The following ZNF404 variants were observed in gnomAD, a reference collection of about 807,000 sequenced individuals.
The protein encoded by ZNF404 is zinc finger protein 404.
A neutral mutation model predicts 7.3 loss-of-function variants in ZNF404; 7 were observed. The observed-to-expected ratio is 0.95, with a 90% CI of 0.54 to 1.79. The LOEUF (loss-of-function observed/expected upper bound fraction) is 1.79. Among genes scored for constraint, ZNF404 ranks in the 40% most tolerant of loss-of-function variants. The pLI, the probability that ZNF404 is intolerant of heterozygous loss-of-function variation, is 0.00. For synonymous variants in ZNF404, 191 were observed against 209.9 expected, an observed-to-expected ratio of 0.91 and a Z score of 0.78; for missense variants, 560 against 661.5, an observed-to-expected ratio of 0.85 and a Z score of 1.68.
chr19:43,873,857 A>T lies in ZNF404; in HGVS notation c.357T>A (p.Pro119=), dbSNP rs74424854. 1 of 1,608,822 alleles carries T rather than the reference A, an allele frequency of 6.2e-7. No individual in the cohort carries two copies. The highest frequency in any genetic ancestry group is 1.4e-5 in the African/African-American group (1 of 71,590). ...CTCTTGTGTTATTTCTCTTATGTAG[A>T]GGAAGGGATTTATGTTTTTTGAATA... ...QMIFKKHKSL[P]LHKRNNTREK... is the part of the protein sequence containing the mutation. Residue 119 remains proline, a synonymous_variant, in exon 3 of 3, where the codon CCT becomes CCA. Transcript: ENST00000587539.
At chr19:43,882,878 A>G (rs1971908227) in intron 1 of ZNF404, among the ~76,000 whole-genome samples, 1 of 152,074 alleles carries the variant, frequency 6.6e-6, no homozygotes, top group Non-Finnish European at 1.5e-5. Context: ...AGGTGGGCAG[A>G]TCACTTGAAG....
At chr19:43,883,024 C>T (rs1346842200) in intron 1 of ZNF404, among the ~76,000 whole-genome samples, 1 of 151,868 alleles carries the variant, frequency 6.6e-6, no homozygotes, top group African/African-American at 2.4e-5. Flanking sequence ...TCGCTTGAAC[C>T]TGGGCAGCAG....
Position 43,880,074 on chromosome 19 carries a change from G to A in ZNF404, c.72C>T (p.Asn24=). ...CTCTGTACAAATCCCTCTGATCCGA[G>A]TTTAAATATTCCCACTCCTCCTGAG... The part of the protein sequence containing the change: ...DFSQEEWEYL[N]SDQRDLYRDV... Residue 24 remains asparagine, a synonymous_variant, in exon 2 of 3, where the codon AAC becomes AAT. Coordinates refer to ENST00000587539, the MANE Select transcript of ZNF404 (RefSeq NM_001033719.3). 1 of 1,613,678 alleles carries A rather than the reference G, an allele frequency of 6.2e-7. No homozygotes were observed. Among genetic ancestry groups the A allele is most frequent in the South Asian group, 1.1e-5 (1 of 91,062 alleles).
rs1568436154 is a variant in ZNF404, at chr19:43,873,792, C to G, written c.422G>C (p.Arg141Thr). ...YECKEYKKGF[R>T]KYLHLTEHLR... ...ATGTTCAGTAAGGTGCAAATATTTTCTAAAGCCCTTCTTATATTCCTTACA... is the reference window on the plus strand; with the variant it reads ...ATGTTCAGTAAGGTGCAAATATTTTGTAAAGCCCTTCTTATATTCCTTACA... Residue 141 changes from arginine to threonine, a missense_variant, in exon 3 of 3, where the codon AGA becomes ACA. Transcript: ENST00000587539. 1 of 1,611,996 alleles carries G rather than the reference C, an allele frequency of 6.2e-7. No individual in the cohort carries two copies. The highest frequency in any genetic ancestry group is 1.4e-5 in the African/African-American group (1 of 73,530).
chr19:43,883,097 T>A (rs1204894572), intron 1 of ZNF404, among the ~76,000 whole-genome samples: 2 of 151,710 alleles, frequency 1.3e-5, no homozygotes, highest in African/African-American at 4.8e-5. Context: ...TGAGACTCCA[T>A]CTCAAAGAAA....
At position 43,880,015 on chromosome 19, in the gene ZNF404, G is replaced by C; in HGVS notation, c.131C>G (p.Ser44Ter). Residue 44 changes from serine (S) to a stop codon, truncating the protein, a stop_gained, in exon 2 of 3, where the codon TCA becomes TGA. Coordinates refer to ENST00000587539, the MANE Select transcript of ZNF404 (RefSeq NM_001033719.3). LOFTEE classifies it low-confidence loss of function (END_TRUNC). ...VMLENYTNLV[S>*]LDFNFTTESN... ...TTTTGTGCAGATATTCTTACCCAAT[G>C]AGACCAAGTTAGTATAATTCTCCAA... 2 of 1,613,572 alleles carry C rather than the reference G, an allele frequency of 1.2e-6. No homozygotes were observed. Among genetic ancestry groups the C allele is most frequent in the Non-Finnish European group, 1.7e-6 (2 of 1,179,606 alleles).
chr19:43,883,911 A>T, intron 1 of ZNF404, 45 bp downstream of exon 1: 2 of 1,593,178 alleles, frequency 1.3e-6, no homozygotes, highest in Non-Finnish European at 1.7e-6. Flanking sequence ...TACATGAATT[A>T]AAAAATCACA....
Position 43,873,462 on chromosome 19 carries a change from G to T in ZNF404, c.752C>A (p.Thr251Lys). The T allele has an allele frequency of 6.2e-7, 1 of 1,613,464 alleles. No individual in the cohort carries two copies. Among genetic ancestry groups the T allele is most frequent in the South Asian group, 1.1e-5 (1 of 91,070 alleles). ...ACACATATGTCGATATAATCTAAAC[G>T]TTTCCCCACATTCCTTACATTCAAA... ...KPFECKECGE[T>K]FRLYRHMCLH... Residue 251 changes from threonine to lysine, a missense_variant, in exon 3 of 3, where the codon ACG becomes AAG. Physicochemically the swap from Thr to Lys is moderately conservative, Grantham distance 78. Transcript: ENST00000587539.
intron 1 of ZNF404, 123 bp downstream of exon 1, chr19:43,883,833 A>C: frequency 1.0e-6 from 1 of 984,526 alleles, no homozygotes; most frequent in Non-Finnish European, 1.5e-6. Context: ...AATGGGAGGA[A>C]TGTGAAATAG....
rs1286023530 is a variant in ZNF404 at position 43,872,553 on chromosome 19, C to T, written c.*2G>A. On this transcript the variant is annotated 3_prime_UTR_variant, in exon 3 of 3. Transcript: ENST00000587539. The surrounding 1 kb of genome is among the most constrained non-coding windows in gnomAD (Gnocchi z 4.4). ...TGCCATGGCTAAAGGCTTTCCCTCT[C>T]ATTACATTAAGAGTCTCTCACCATG... 6.3e-7 allele frequency: 1 copy of T among 1,582,254 alleles called. No individual in the cohort carries two copies.
At chr19:43,876,192 T>C (rs1365907324) in intron 2 of ZNF404, among the ~76,000 whole-genome samples, 1 of 152,100 alleles carries the variant, frequency 6.6e-6, no homozygotes, top group African/African-American at 2.4e-5. Context: ...CACACACCTA[T>C]AGTCCTAGCT....
Position 43,872,803 on chromosome 19 carries a change from C to A in ZNF404, c.1411G>T (p.Glu471Ter). 1.9e-6 allele frequency: 3 copies of A among 1,610,558 alleles called. No homozygotes were observed. The highest frequency in any genetic ancestry group is 2.5e-6 in the Non-Finnish European group (3 of 1,177,958). ...ATAGAACGAAAGGCCTTCTTACATT[C>A]TTTACATACATAGGGTTTCAAACCA... Reference protein sequence around the residue: ...HTGLKPYVCKECKKAFRSISG... With the variant: ...HTGLKPYVCK Residue 471 changes from glutamate (E) to a stop codon, truncating the protein, a stop_gained, in exon 3 of 3, where the codon GAA (glutamate) becomes TAA (stop). Coordinates refer to ENST00000587539, the MANE Select transcript of ZNF404 (RefSeq NM_001033719.3). LOFTEE classifies it low-confidence loss of function (END_TRUNC). This position sits in a 1 kb window ranked among gnomAD's most constrained non-coding sequence, Gnocchi z 4.4.
In ZNF404 at chr19:43,872,734, G is replaced by GT; in HGVS notation, c.1479dup (p.Pro494ThrfsTer3). 1.2e-6 allele frequency: 2 copies of GT among 1,613,258 alleles called. No individual in the cohort carries two copies. The highest frequency in any genetic ancestry group is 2.2e-5 in the South Asian group (2 of 91,020). Reference sequence around the variant, plus strand: ...TTATCACATTCTTTACATTCATAGGGTTTTTCACCAGTATGAATTCTCTTA... The same window carrying GT: ...TTATCACATTCTTTACATTCATAGGGTTTTTTCACCAGTATGAATTCTCTTA... On this transcript the variant is annotated frameshift_variant, in exon 3 of 3. Transcript: ENST00000587539. LOFTEE classifies it low-confidence loss of function (END_TRUNC). This position sits in a 1 kb window ranked among gnomAD's most constrained non-coding sequence, Gnocchi z 4.4.
Position 43,877,013 on chromosome 19 carries a change from C to T in ZNF404, c.137-2936G>A, listed in dbSNP as rs117149339. On this transcript the variant is annotated intron_variant, in intron 2 of 2. Transcript: ENST00000587539. Reference sequence around the variant, plus strand: ...CAATGTGATATCCTGGATTGAATCACGGAATAGAAAAAAGGACAGTGGAAA... The same window carrying T: ...CAATGTGATATCCTGGATTGAATCATGGAATAGAAAAAAGGACAGTGGAAA... Among the ~76,000 whole-genome samples the T allele has an allele frequency of 2.0e-3, 300 of 152,114 alleles. 1 individual carries two copies. Among genetic ancestry groups the T allele is most frequent in the Non-Finnish European group, 2.9e-3 (195 of 67,992 alleles).
chr19:43,879,929 G>A, intron 2 of ZNF404, 81 bp downstream of exon 2: 1 of 1,537,290 alleles, frequency 6.5e-7, no homozygotes, highest in South Asian at 1.1e-5. Flanking sequence ...TGGTTTCTTG[G>A]CATAGACCAT....
chr19:43,880,665 G>C (rs112493810), intron 1 of ZNF404, among the ~76,000 whole-genome samples: 1 of 152,010 alleles, frequency 6.6e-6, no homozygotes, highest in East Asian at 1.9e-4. Context: ...AAAACATTGC[G>C]CAATGATACC....
chr19:43,880,861 A>G (rs1971889454), intron 1 of ZNF404, among the ~76,000 whole-genome samples: 1 of 152,236 alleles, frequency 6.6e-6, no homozygotes, highest in Admixed American at 6.5e-5. Flanking sequence ...ACAAAGTTTT[A>G]GCACATCAAA....
At chr19:43,878,311 A>C (rs976763033) in intron 2 of ZNF404, among the ~76,000 whole-genome samples, 7 of 150,996 alleles carry the variant, frequency 4.6e-5, no homozygotes, top group Non-Finnish European at 5.9e-5. Flanking sequence ...TGTGGTTTTG[A>C]TTTGCATTTC....
At chr19:43,878,580 G>A (rs1319706496) in intron 2 of ZNF404, among the ~76,000 whole-genome samples, 2 of 152,124 alleles carry the variant, frequency 1.3e-5, no homozygotes, top group East Asian at 3.9e-4. Flanking sequence ...GCTGAGTACT[G>A]ATATGAATTT....
Sources: allele counts gnomAD v4.1 joint callset (sites outside exome capture counted in the v4.1 genomes callset), GRCh38; gene constraint gnomAD v4.1.1; non-coding constraint Gnocchi (gnomAD v3.1); transcripts MANE v1.5; gene names NCBI Gene and HGNC (gene_info 2026-07-23, HGNC 2026-07-21).